Variants in DDX28 observed in about 807,000 individuals in gnomAD.
The protein encoded by DDX28 is DEAD-box helicase 28.
A neutral mutation model predicts 26.8 loss-of-function variants in DDX28; 25 were observed. That is an observed-to-expected ratio of 0.93 (90% confidence interval 0.68 to 1.30). The LOEUF is 1.30. DDX28 is among the 50% of genes most tolerant of loss of function. The pLI, the probability that DDX28 is intolerant of heterozygous loss-of-function variation, is 0.00. For missense variants in DDX28, 790 were observed against 695.1 expected (o/e 1.14, Z -1.53); for synonymous variants, 370 against 311.9 (o/e 1.19, Z -1.96).
Position 68,023,139 on chromosome 16 carries a change from G to A in DDX28, c.64C>T (p.Arg22Trp), listed in dbSNP as rs775831161. 1 of 1,606,218 alleles carries A rather than the reference G, an allele frequency of 6.2e-7. No homozygotes were observed. Among genetic ancestry groups the A allele is most frequent in the East Asian group, 2.2e-5 (1 of 44,876 alleles). ...LVTRLLLAPR[R>W]GLTVRSPDEP... Reference sequence around the variant, plus strand: ...TCGGGACTGCGGACCGTGAGGCCCCGTCGCGGCGCCAGGAGCAACCGAGTC... The same window carrying A: ...TCGGGACTGCGGACCGTGAGGCCCCATCGCGGCGCCAGGAGCAACCGAGTC... Residue 22 changes from arginine to tryptophan, a missense_variant, in exon 1 of 1, where the codon CGG becomes TGG. Coordinates refer to ENST00000332395, the MANE Select transcript of DDX28 (RefSeq NM_018380.4).
In DDX28 at chr16:68,022,617, G is replaced by A. The variant is rs767383278; in HGVS notation, c.586C>T (p.Leu196=). 1.2e-6 allele frequency: 2 copies of A among 1,613,500 alleles called. No individual in the cohort carries two copies. Among genetic ancestry groups the A allele is most frequent in the East Asian group, 2.2e-5 (1 of 44,872 alleles). The stretch of plus-strand genomic sequence containing the variant: ...GGCGCGGGGATAGGAAGGGAGTCCA[G>A]GCTTGGCTGGCCCAAGAGCCGTTGA... ...LLQRLLGQPS[L]DSLPIPAPRG... is the part of the protein sequence containing the mutation. The change falls in exon 1 of 1, where the codon CTG becomes TTG. Residue 196 remains leucine (L), a synonymous_variant. Coordinates refer to ENST00000332395, the MANE Select transcript of DDX28 (RefSeq NM_018380.4).
In DDX28 at chr16:68,022,545, G is replaced by T. The variant is rs755545838; in HGVS notation, c.658C>A (p.Arg220=). Residue 220 remains arginine, a synonymous_variant, in exon 1 of 1, where the codon CGG becomes AGG. Coordinates refer to ENST00000332395, the MANE Select transcript of DDX28 (RefSeq NM_018380.4). ...CGGCCCAAGGGTTGGGCCACAGCCC[G>T]CACCTGTTGGGCCAATTCTCGGGAA... ...VPSRELAQQV[R]AVAQPLGRSL... is the part of the protein sequence containing the mutation. The T allele has an allele frequency of 6.2e-7, 1 of 1,613,818 alleles. No individual in the cohort carries two copies. Among genetic ancestry groups the T allele is most frequent in the African/African-American group, 1.3e-5 (1 of 74,948 alleles).
chr16:68,022,741 C>T lies in DDX28; in HGVS notation c.462G>A (p.Val154=), dbSNP rs1371256647. 6.2e-7 allele frequency: 1 copy of T among 1,612,962 alleles called. No individual in the cohort carries two copies. The highest frequency in any genetic ancestry group is 1.7e-5 in the Admixed American group (1 of 59,980). Residue 154 remains valine, a synonymous_variant, in exon 1 of 1, where the codon GTG becomes GTA. Coordinates refer to ENST00000332395, the MANE Select transcript of DDX28 (RefSeq NM_018380.4). ...AAPEVVQPTT[V]QSSTIPSLLR... is the part of the protein sequence containing the mutation. ...GTAGTGAGGGGATGGTGCTAGACTG[C>T]ACGGTTGTGGGCTGAACGACTTCAG...
Position 68,021,438 on chromosome 16 carries a change from T to TC in DDX28, c.*141dup. ...CCAATGCTGGCCAGCAGCGTACCTT[T>TC]CCAAGTCACAAAGCAGTTCATCCCG... On this transcript the variant is annotated 3_prime_UTR_variant, in exon 1 of 1. Coordinates refer to ENST00000332395, the MANE Select transcript of DDX28 (RefSeq NM_018380.4). The TC allele has an allele frequency of 1.2e-6, 1 of 840,448 alleles. No individual in the cohort carries two copies. The highest frequency in any genetic ancestry group is 1.8e-6 in the Non-Finnish European group (1 of 551,022). 52.1% of individuals were successfully genotyped at this position (840,448 alleles called of 1,614,324 possible).
chr16:68,021,659 A>G lies in DDX28; in HGVS notation c.1544T>C (p.Ile515Thr), dbSNP rs747573008. 1.9e-6 allele frequency: 3 copies of G among 1,614,176 alleles called. No individual in the cohort carries two copies. Among genetic ancestry groups the G allele is most frequent in the Admixed American group, 3.3e-5 (2 of 60,020 alleles). Residue 515 changes from isoleucine (I) to threonine (T), a missense_variant, in exon 1 of 1, where the codon ATT (isoleucine) becomes ACT (threonine). Transcript: ENST00000332395. ...TCTCCTTCGGCGAGCCGCCAGCTCAATCTTCTGAACCAGGCTCACATCCCA... is the reference window on the plus strand; with the variant it reads ...TCTCCTTCGGCGAGCCGCCAGCTCAGTCTTCTGAACCAGGCTCACATCCCA... ...HPWDVSLVQK[I>T]ELAARRRRSL...
In DDX28 at chr16:68,021,397, C is replaced by T. The variant is rs2033236074; in HGVS notation, c.*183G>A. 1.6e-6 allele frequency: 1 copy of T among 627,510 alleles called. No homozygotes were observed. Among genetic ancestry groups the T allele is most frequent in the African/African-American group, 1.8e-5 (1 of 54,466 alleles). 38.9% of individuals were successfully genotyped at this position (627,510 alleles called of 1,614,324 possible). ...TTGCTAAAGACTACAGAAAGCCATG[C>T]TCAGCAGCTTCTTCTCCAATGCTGG... On this transcript the variant is annotated 3_prime_UTR_variant, in exon 1 of 1. Coordinates refer to ENST00000332395, the MANE Select transcript of DDX28 (RefSeq NM_018380.4).
rs887066758 is a variant in DDX28 at position 68,021,049 on chromosome 16, T to C, written c.*531A>G. 4.0e-5 allele frequency among the ~76,000 whole-genome samples: 6 copies of C among 151,828 alleles called. No homozygotes were observed. The highest frequency in any genetic ancestry group is 8.8e-5 in the Non-Finnish European group (6 of 67,972). ...TACCCTTTACTTTTCTGCCAGTACC[T>C]TCCAGAGATTTCGCCAAGACGCCCG... On this transcript the variant is annotated 3_prime_UTR_variant, in exon 1 of 1. Transcript: ENST00000332395.
In DDX28 at chr16:68,022,576, A is replaced by G. The variant is rs2033263937; in HGVS notation, c.627T>C (p.Leu209=). 1 of 1,613,894 alleles carries G rather than the reference A, an allele frequency of 6.2e-7. No individual in the cohort carries two copies. The highest frequency in any genetic ancestry group is 1.3e-5 in the African/African-American group (1 of 74,964). Residue 209 remains leucine (L), a synonymous_variant, in exon 1 of 1, where the codon CTT becomes CTC. Transcript: ENST00000332395. ...LPIPAPRGLV[L]VPSRELAQQV... is the part of the protein sequence containing the mutation. The stretch of plus-strand genomic sequence containing the variant: ...GTTGGGCCAATTCTCGGGAAGGAAC[A>G]AGGACCAGGCCTCGGGGCGCGGGGA...
chr16:68,022,995 A>C lies in DDX28; in HGVS notation c.208T>G (p.Ser70Ala), dbSNP rs1312712380. The change falls in exon 1 of 1, where the codon TCG becomes GCG. Residue 70 changes from serine (S) to alanine (A), a missense_variant. Transcript: ENST00000332395. ...TGGTTCAACTCCGGCCGCCGCGCCG[A>C]AACCAGCAGCGGTCCGGGTCGAACC... ...VLVRPGPLLV[S>A]ARRPELNQPA... 4.5e-6 allele frequency: 7 copies of C among 1,564,176 alleles called. No individual in the cohort carries two copies. In the South Asian group the frequency reaches 6.8e-5, roughly 15 times the overall value.
In DDX28 at chr16:68,022,425, C is replaced by G; in HGVS notation, c.778G>C (p.Val260Leu). The G allele has an allele frequency of 6.2e-7, 1 of 1,614,046 alleles. No individual in the cohort carries two copies. Among genetic ancestry groups the G allele is most frequent in the Non-Finnish European group, 8.5e-7 (1 of 1,180,048 alleles). Residue 260 changes from valine to leucine, a missense_variant, in exon 1 of 1, where the codon GTG becomes CTG. Coordinates refer to ENST00000332395, the MANE Select transcript of DDX28 (RefSeq NM_018380.4). ...LSRQPSADVL[V>L]ATPGALWKAL... Reference sequence around the variant, plus strand: ...TTCCACAGAGCCCCTGGAGTGGCCACAAGCACATCTGCTGAAGGCTGTCTG... The same window carrying G: ...TTCCACAGAGCCCCTGGAGTGGCCAGAAGCACATCTGCTGAAGGCTGTCTG...
In DDX28 at chr16:68,022,300, G is replaced by C. The variant is rs1202509887; in HGVS notation, c.903C>G (p.Asp301Glu). Residue 301 changes from aspartate (D) to glutamate (E), a missense_variant, in exon 1 of 1, where the codon GAC becomes GAG. By Grantham distance (45) the Asp-to-Glu change is conservative. Coordinates refer to ENST00000332395, the MANE Select transcript of DDX28 (RefSeq NM_018380.4). ...CTATGTGGCTCTTCTCTAAGATGTA[G>C]TCCACCAGTTCCAGGAAGCTTTCAT... ...LLDESFLELV[D>E]YILEKSHIAE... 1.2e-6 allele frequency: 2 copies of C among 1,614,220 alleles called. No individual in the cohort carries two copies. The highest frequency in any genetic ancestry group is 1.6e-4 in the Middle Eastern group (1 of 6,062).
In DDX28 at chr16:68,022,528, G is replaced by C; in HGVS notation, c.675C>G (p.Pro225=). 2.5e-6 allele frequency: 4 copies of C among 1,613,962 alleles called. No individual in the cohort carries two copies. The highest frequency in any genetic ancestry group is 3.4e-6 in the Non-Finnish European group (4 of 1,180,024). Residue 225 remains proline, a synonymous_variant, in exon 1 of 1, where the codon CCC becomes CCG. Transcript: ENST00000332395. The stretch of plus-strand genomic sequence containing the variant: ...CCAGCAGGCCCAAGGAGCGGCCCAA[G>C]GGTTGGGCCACAGCCCGCACCTGTT... ...LAQQVRAVAQ[P]LGRSLGLLVR...
rs1448943992 is a variant in DDX28, at chr16:68,022,478, C to G, written c.725G>C (p.Gly242Ala). The change falls in exon 1 of 1, where the codon GGC becomes GCC. Residue 242 changes from glycine to alanine, a missense_variant. Transcript: ENST00000332395. ...LLVRDLEGGH[G>A]MRRIRLQLSR... ...CAGCTGCAGCCTGATCCTACGCATG[C>G]CGTGGCCTCCCTCCAGGTCCCGCAC... 8 of 1,613,734 alleles carry G rather than the reference C, an allele frequency of 5.0e-6. No individual in the cohort carries two copies. Among genetic ancestry groups the G allele is most frequent in the Non-Finnish European group, 6.8e-6 (8 of 1,180,024 alleles).
Position 68,021,820 on chromosome 16 carries a change from C to T in DDX28, c.1383G>A (p.Leu461=). The change falls in exon 1 of 1, where the codon CTG becomes CTA. Residue 461 remains leucine (L), a synonymous_variant. Transcript: ENST00000332395. ...CAACCAGCTCCACACCAGTGCTGTC[C>T]AGGCCCCGAGAGGCTATGTCTGTGC... ...LLCTDIASRG[L]DSTGVELVVN... is the part of the protein sequence containing the mutation. The T allele has an allele frequency of 6.2e-7, 1 of 1,614,212 alleles. No individual in the cohort carries two copies. Among genetic ancestry groups the T allele is most frequent in the Non-Finnish European group, 8.5e-7 (1 of 1,180,038 alleles).
Position 68,022,867 on chromosome 16 carries a change from C to G in DDX28, c.336G>C (p.Ala112=). 3.2e-6 allele frequency: 5 copies of G among 1,572,580 alleles called. No homozygotes were observed. The highest frequency in any genetic ancestry group is 4.3e-6 in the Non-Finnish European group (5 of 1,159,622). The change falls in exon 1 of 1, where the codon GCG becomes GCC. Residue 112 remains alanine, a synonymous_variant. Coordinates refer to ENST00000332395, the MANE Select transcript of DDX28 (RefSeq NM_018380.4). ...ARRDHFSIER[A]QQEAPAVRKL... ...TTCGCACCGCTGGCGCCTCCTGTTG[C>G]GCGCGCTCGATGGAGAAGTGGTCCC... is the stretch of plus-strand genomic sequence containing the variant.
chr16:68,022,991 G>C lies in DDX28; in HGVS notation c.212C>G (p.Ala71Gly). 1 of 1,558,776 alleles carries C rather than the reference G, an allele frequency of 6.4e-7. No individual in the cohort carries two copies. Among genetic ancestry groups the C allele is most frequent in the South Asian group, 1.1e-5 (1 of 87,218 alleles). Residue 71 changes from alanine (A) to glycine (G), a missense_variant, in exon 1 of 1, where the codon GCG (alanine) becomes GGG (glycine). Coordinates refer to ENST00000332395, the MANE Select transcript of DDX28 (RefSeq NM_018380.4). ...CGGCTGGTTCAACTCCGGCCGCCGCGCCGAAACCAGCAGCGGTCCGGGTCG... is the reference window on the plus strand; with the variant it reads ...CGGCTGGTTCAACTCCGGCCGCCGCCCCGAAACCAGCAGCGGTCCGGGTCG... The part of the protein sequence containing the change: ...LVRPGPLLVS[A>G]RRPELNQPAR...
At position 68,022,167 on chromosome 16, in the gene DDX28, T is replaced by G. The variant is rs1228209847; in HGVS notation, c.1036A>C (p.Ser346Arg). Residue 346 changes from serine to arginine, a missense_variant, in exon 1 of 1, where the codon AGC becomes CGC. By Grantham distance (110) the Ser-to-Arg change is moderately radical. Transcript: ENST00000332395. ...GTGATGGTGGTGACAGCATCTGGGCTGGCGACTTTATTCAGCAACTGGCCT... is the reference window on the plus strand; with the variant it reads ...GTGATGGTGGTGACAGCATCTGGGCGGGCGACTTTATTCAGCAACTGGCCT... ...GVGQLLNKVA[S>R]PDAVTTITSS... 6.2e-7 allele frequency: 1 copy of G among 1,614,086 alleles called. No individual in the cohort carries two copies. Among genetic ancestry groups the G allele is most frequent in the Non-Finnish European group, 8.5e-7 (1 of 1,180,038 alleles).
Position 68,021,377 on chromosome 16 carries a change from A to C in DDX28, c.*203T>G, listed in dbSNP as rs899498770. On this transcript the variant is annotated 3_prime_UTR_variant, in exon 1 of 1. Transcript: ENST00000332395. ...AGTCAAAATCCACTTGTGTCTTGCT[A>C]AAGACTACAGAAAGCCATGCTCAGC... The C allele has an allele frequency of 1.0e-5, 6 of 590,574 alleles. No homozygotes were observed. In the Admixed American group the frequency reaches 1.3e-4, roughly 12 times the overall value. The allele number at this position is 590,574 out of a possible 1,614,324, so 36.6% of individuals were successfully genotyped here.
In DDX28 at chr16:68,022,602, T is replaced by C; in HGVS notation, c.601A>G (p.Ile201Val). 2.5e-6 allele frequency: 4 copies of C among 1,613,476 alleles called. No homozygotes were observed. The highest frequency in any genetic ancestry group is 2.5e-6 in the Non-Finnish European group (3 of 1,179,920). ...AGGACCAGGCCTCGGGGCGCGGGGA[T>C]AGGAAGGGAGTCCAGGCTTGGCTGG... ...LGQPSLDSLP[I>V]PAPRGLVLVP... Residue 201 changes from isoleucine to valine, a missense_variant, in exon 1 of 1, where the codon ATC becomes GTC. Coordinates refer to ENST00000332395, the MANE Select transcript of DDX28 (RefSeq NM_018380.4).
Sources: gnomAD v4.1 joint callset for allele counts (sites outside exome capture counted in the v4.1 genomes callset) on GRCh38, gnomAD v4.1.1 for gene constraint, MANE v1.5 for transcripts, NCBI Gene and HGNC (gene_info 2026-07-23, HGNC 2026-07-21) for gene names.